RFX3: variants seen among roughly 807,000 people sequenced by gnomAD.
RFX3 encodes regulatory factor X3.
In RFX3, 14 loss-of-function variants were observed where a neutral mutation model predicts 98.6. That is an observed-to-expected ratio of 0.14 (90% confidence interval 0.09 to 0.22). The LOEUF (loss-of-function observed/expected upper bound fraction) is 0.22, where lower values mean the gene tolerates loss of function less well. Ranked by LOEUF, RFX3 falls within the 10% of genes least tolerant of loss-of-function variation. The pLI is 1.00. For synonymous variants in RFX3, 383 were observed against 328.4 expected, an observed-to-expected ratio of 1.17 and a Z score of -1.80; for missense variants, 639 against 926.9, an observed-to-expected ratio of 0.69 and a Z score of 4.03.
At chr9:3,225,614 A>T (rs774465352) in intron 16 of RFX3, among the ~76,000 whole-genome samples, 4 of 152,188 alleles carry the variant, frequency 2.6e-5, no homozygotes, top group Non-Finnish European at 5.9e-5. Flanking sequence ...TAAAATAGTC[A>T]CTTTGGTATG....
chr9:3,496,276 T>A (rs1851101911), intron 1 of RFX3, among the ~76,000 whole-genome samples: 1 of 152,042 alleles, frequency 6.6e-6, no homozygotes. Context: ...ATTTCATCTC[T>A]TAGTGCATAT....
In RFX3 at chr9:3,223,685, T is replaced by G. The variant is rs1255424777; in HGVS notation, c.*1357A>C. 1 of 152,224 alleles carries G rather than the reference T, an allele frequency of 6.6e-6. No individual in the cohort carries two copies. Among genetic ancestry groups the G allele is most frequent in the African/African-American group, 2.4e-5 (1 of 41,464 alleles). The allele number at this position is 152,224 out of a possible 1,614,324, so 9.4% of individuals were successfully genotyped here. On this transcript the variant is annotated 3_prime_UTR_variant, in exon 17 of 17. Transcript: ENST00000617270. The stretch of plus-strand genomic sequence containing the variant: ...TCCTTTGTTTTCCCTAAATTTCCTT[T>G]GAAGAACATGTCACCTGTCCTTACT...
intron 1 of RFX3, among the ~76,000 whole-genome samples, chr9:3,498,918 T>C (rs1433873720): frequency 6.6e-6 from 1 of 152,104 alleles, no homozygotes; most frequent in African/African-American, 2.4e-5. Context: ...AATAAACCTG[T>C]AGGCTTCCCT....
At chr9:3,468,609 A>G (rs1848513621) in intron 1 of RFX3, among the ~76,000 whole-genome samples, 1 of 152,170 alleles carries the variant, frequency 6.6e-6, no homozygotes, top group Admixed American at 6.5e-5. Context: ...CAATTTAAGG[A>G]ACTGCAGGAG....
intron 1 of RFX3, among the ~76,000 whole-genome samples, chr9:3,478,191 T>G (rs188141472): frequency 2.6e-5 from 4 of 152,142 alleles, no homozygotes; most frequent in African/African-American, 9.7e-5. Flanking sequence ...TGTGTTTTAT[T>G]TCCTGTTTCT....
intron 1 of RFX3, among the ~76,000 whole-genome samples, chr9:3,437,009 A>C (rs953021077): frequency 6.6e-6 from 1 of 152,114 alleles, no homozygotes; most frequent in Non-Finnish European, 1.5e-5. Flanking sequence ...AATGGAAATG[A>C]CAAAATCCTA....
chr9:3,263,424 C>CA (rs1554640303), intron 12 of RFX3, among the ~76,000 whole-genome samples: 1 of 151,788 alleles, frequency 6.6e-6, no homozygotes, highest in Non-Finnish European at 1.5e-5. Flanking sequence ...GTTTTCATTT[C>CA]TTTTTTTTAC....
intron 3 of RFX3, among the ~76,000 whole-genome samples, chr9:3,337,678 G>A (rs952592046): frequency 4.6e-5 from 7 of 152,178 alleles, no homozygotes; most frequent in African/African-American, 1.7e-4. Context: ...TCTGTGCTAC[G>A]GTTTTGTGCA....
chr9:3,334,607 T>C (rs1271582977), intron 3 of RFX3, among the ~76,000 whole-genome samples: 1 of 152,022 alleles, frequency 6.6e-6, no homozygotes, highest in Non-Finnish European at 1.5e-5. Context: ...CCATAAACTA[T>C]CCCCATCACT....
At chr9:3,314,085 T>A (rs182001760) in intron 4 of RFX3, among the ~76,000 whole-genome samples, 2 of 152,000 alleles carry the variant, frequency 1.3e-5, no homozygotes, top group African/African-American at 4.8e-5. Context: ...TTCACCAAAG[T>A]TGAAACAAAG....
intron 2 of RFX3, among the ~76,000 whole-genome samples, chr9:3,386,928 T>G (rs1285540499): frequency 1.3e-5 from 2 of 152,166 alleles, no homozygotes; most frequent in Non-Finnish European, 2.9e-5. Flanking sequence ...GTATCACAAA[T>G]GAGTCATCTG....
chr9:3,274,008 C>T lies in RFX3; in HGVS notation c.1086+1492G>A, dbSNP rs1037090701. 3.3e-5 allele frequency among the ~76,000 whole-genome samples: 5 copies of T among 152,078 alleles called. No individual in the cohort carries two copies. The South Asian group carries it at 8.3e-4, about 25-fold the overall frequency. On this transcript the variant is annotated intron_variant, in intron 9 of 16. Transcript: ENST00000617270. ...TAAATGTAGAAAGAAATAATTTTCTCTATATACATAAGGAAAATCCAGAAA... is the reference window on the plus strand; with the variant it reads ...TAAATGTAGAAAGAAATAATTTTCTTTATATACATAAGGAAAATCCAGAAA...
At chr9:3,305,228 G>A (rs1019125877) in intron 4 of RFX3, among the ~76,000 whole-genome samples, 1 of 152,024 alleles carries the variant, frequency 6.6e-6, no homozygotes, top group Non-Finnish European at 1.5e-5. Context: ...TATGGGAGTG[G>A]TATGAGTGAG....
intron 1 of RFX3, among the ~76,000 whole-genome samples, chr9:3,505,244 A>ATATATATGAATATATATT (rs1564186886): frequency 1.3e-5 from 1 of 74,242 alleles, no homozygotes; most frequent in Non-Finnish European, 2.0e-5. Flanking sequence ...ATATATTTAT[A>ATATATATGAATATATATT]TATATATGAA....
chr9:3,354,329 G>C (rs1486404346), intron 2 of RFX3, among the ~76,000 whole-genome samples: 1 of 151,772 alleles, frequency 6.6e-6, no homozygotes, highest in Non-Finnish European at 1.5e-5. Flanking sequence ...GATCCACTGA[G>C]GCCAGAAATT....
chr9:3,483,062 T>C (rs928399071), intron 1 of RFX3, among the ~76,000 whole-genome samples: 1 of 152,190 alleles, frequency 6.6e-6, no homozygotes, highest in Admixed American at 6.5e-5. Context: ...TTATTTTGCA[T>C]TATGCCAGGA....
chr9:3,248,314 G>T, intron 14 of RFX3, 129 bp from the exon 15 acceptor site: 2 of 1,167,794 alleles, frequency 1.7e-6, no homozygotes, highest in Non-Finnish European at 2.3e-6. Context: ...AACCTGCCAT[G>T]AAAGCATTTC....
chr9:3,356,977 A>G (rs540600198), intron 2 of RFX3, among the ~76,000 whole-genome samples: 5 of 149,750 alleles, frequency 3.3e-5, no homozygotes, highest in South Asian at 4.2e-4. Flanking sequence ...ACACACGCAC[A>G]CACACACACA....
At chr9:3,234,402 G>A (rs1219756717) in intron 15 of RFX3, among the ~76,000 whole-genome samples, 2 of 152,198 alleles carry the variant, frequency 1.3e-5, no homozygotes, top group Admixed American at 6.5e-5. Context: ...ACTTTGGGAA[G>A]CACAGGTGTG....
Sources: gnomAD v4.1 joint callset for allele counts (sites outside exome capture counted in the v4.1 genomes callset) on GRCh38, gnomAD v4.1.1 for gene constraint, MANE v1.5 for transcripts, NCBI Gene and HGNC (gene_info 2026-07-23, HGNC 2026-07-21) for gene names.